LINGO2: variants seen among roughly 807,000 people sequenced by gnomAD.
LINGO2 encodes the protein leucine rich repeat and Ig domain containing 2, also known as leucine-rich repeat and immunoglobulin-like domain-containing nogo receptor-interacting protein 2.
Under a neutral mutation model 30.6 loss-of-function variants are expected in LINGO2, and 14 were observed. The observed-to-expected ratio is 0.46, with a 90% CI of 0.30 to 0.72. The LOEUF (loss-of-function observed/expected upper bound fraction) is 0.72, where lower values mean the gene tolerates loss of function less well. LINGO2 is among the 30% of genes least tolerant of loss of function. The pLI, the probability that LINGO2 is intolerant of heterozygous loss-of-function variation, is 0.07. For missense variants in LINGO2, 729 were observed against 751.7 expected (o/e 0.97, Z 0.35); for synonymous variants, 317 against 288.5 (o/e 1.10, Z -1.00).
chr9:29,002,609 T>A, the LINGO2 span, among the ~76,000 whole-genome samples: 3 of 152,026 alleles, frequency 2.0e-5, no homozygotes, highest in Non-Finnish European at 4.4e-5. Flanking sequence ...TCCTCTCAGA[T>A]CTGACATAAG....
rs1194264138 is a variant in LINGO2 at position 28,034,299 on chromosome 9, ACTTT to A, written c.-86-21898_-86-21895del. Among the ~76,000 whole-genome samples, 9 of 152,168 alleles carry A rather than the reference ACTTT, an allele frequency of 5.9e-5. No individual in the cohort carries two copies. In the East Asian group the frequency reaches 1.7e-3, roughly 29 times the overall value. On this transcript the variant is annotated intron_variant, in intron 4 of 5. Transcript: ENST00000379992. Reference sequence around the variant, plus strand: ...AGGGCAGAAGAAAGCCGATTATTTCACTTTCTTTCTTTTCGGAATTCTGCTTTGT... The same window carrying A: ...AGGGCAGAAGAAAGCCGATTATTTCACTTTCTTTTCGGAATTCTGCTTTGT...
At chr9:28,324,045 C>T (rs72709384) in intron 3 of LINGO2, among the ~76,000 whole-genome samples, 2,445 of 152,152 alleles carry the variant, frequency 0.016, 36 homozygotes, top group African/African-American at 0.035. Context: ...AAACAAAAGC[C>T]TTGGTGTGTT....
the LINGO2 span, among the ~76,000 whole-genome samples, chr9:29,184,041 C>T: frequency 5.3e-5 from 8 of 152,008 alleles, no homozygotes; most frequent in African/African-American, 1.9e-4. Flanking sequence ...AGTGAAGGAA[C>T]ACGCTCTTAT....
In LINGO2 at chr9:27,966,687, T is replaced by C. The variant is rs139821409; in HGVS notation, c.-35-15981A>G. 7.6e-3 allele frequency among the ~76,000 whole-genome samples: 1,159 copies of C among 152,088 alleles called. 10 individuals are homozygous for C. The highest frequency in any genetic ancestry group is 0.026 in the African/African-American group (1,074 of 41,498). On this transcript the variant is annotated intron_variant, in intron 5 of 5. Transcript: ENST00000379992. Reference sequence around the variant, plus strand: ...AACCACCATGGCACATATATACCTATGTAACAAACCTGCATGTTCAGCACA... The same window carrying C: ...AACCACCATGGCACATATATACCTACGTAACAAACCTGCATGTTCAGCACA...
intron 1 of LINGO2, among the ~76,000 whole-genome samples, chr9:28,477,773 A>G (rs1727721737): frequency 6.6e-6 from 1 of 152,226 alleles, no homozygotes; most frequent in South Asian, 2.1e-4. Flanking sequence ...TTCATAGCGT[A>G]AATCATCATT....
In LINGO2 at chr9:28,362,227, T is replaced by TGC. The variant is rs1335269175; in HGVS notation, c.-246+10608_-246+10609insGC. On this transcript the variant is annotated intron_variant, in intron 3 of 5. Coordinates refer to ENST00000379992, the Ensembl canonical transcript of LINGO2. ...AATTGTGTGTGTATGTGTGTGTGTG[T>TGC]GTGCGCATGCGCATGTGTGTGCACG... Among the ~76,000 whole-genome samples the TGC allele has an allele frequency of 3.9e-3, 589 of 152,118 alleles. 2 individuals are homozygous for TGC. Among genetic ancestry groups the TGC allele is most frequent in the African/African-American group, 0.013 (548 of 41,498 alleles).
At chr9:27,941,944 G>GTA in the LINGO2 span, 1 of 152,124 alleles carries the variant, frequency 6.6e-6, no homozygotes, top group Non-Finnish European at 1.5e-5. Context: ...GGGTGGTGTT[G>GTA]TATGTATGGC....
the LINGO2 span, among the ~76,000 whole-genome samples, chr9:29,150,838 T>C: frequency 2.0e-5 from 3 of 152,268 alleles, no homozygotes; most frequent in East Asian, 5.8e-4. Flanking sequence ...TGTAAGAATG[T>C]AGTACACAAA....
chr9:28,422,391 CA>C (rs1823232086), intron 2 of LINGO2, among the ~76,000 whole-genome samples: 1 of 151,960 alleles, frequency 6.6e-6, no homozygotes, highest in Admixed American at 6.6e-5. Flanking sequence ...AGAAGATGTG[CA>C]AATGGCCAAC....
intron 1 of LINGO2, among the ~76,000 whole-genome samples, chr9:28,587,954 G>T (rs1224583397): frequency 1.5e-4 from 23 of 152,100 alleles, no homozygotes; most frequent in South Asian, 4.1e-4. Context: ...ATGAAGAATT[G>T]CTGTAGTAGG....
intron 1 of LINGO2, among the ~76,000 whole-genome samples, chr9:28,586,131 GA>G: frequency 6.6e-6 from 1 of 151,574 alleles, no homozygotes; most frequent in East Asian, 1.9e-4. Flanking sequence ...GTTTATTTAT[GA>G]ATTTTAAAAT....
At chr9:28,569,266 T>C (rs1823551353) in intron 1 of LINGO2, among the ~76,000 whole-genome samples, 1 of 151,936 alleles carries the variant, frequency 6.6e-6, no homozygotes, top group African/African-American at 2.4e-5. Flanking sequence ...TTCCGTATGA[T>C]CCAGCAATCC....
At chr9:28,361,544 G>A (rs1820444918) in intron 3 of LINGO2, among the ~76,000 whole-genome samples, 1 of 151,466 alleles carries the variant, frequency 6.6e-6, no homozygotes, top group African/African-American at 2.4e-5. Flanking sequence ...AAATGCTGGG[G>A]CTACTACCAG....
intron 1 of LINGO2, among the ~76,000 whole-genome samples, chr9:28,556,188 A>G (rs1206089342): frequency 3.3e-5 from 5 of 152,032 alleles, no homozygotes; most frequent in African/African-American, 1.2e-4. Context: ...TTCAATTAGG[A>G]AAAGAGGAAG....
chr9:28,390,612 G>C (rs1313005392), intron 2 of LINGO2, among the ~76,000 whole-genome samples: 5 of 150,458 alleles, frequency 3.3e-5, no homozygotes, highest in Non-Finnish European at 7.4e-5. Context: ...TGGAGTTTAC[G>C]ATCACAGCCC....
intron 4 of LINGO2, chr9:28,149,260 C>T (rs944321109): frequency 1.2e-4 from 81 of 684,036 alleles, no homozygotes; most frequent in African/African-American, 9.0e-4. Context: ...GAGGCCCAGG[C>T]GGGCGGATCA....
chr9:28,517,652 A>G (rs1164457557), intron 1 of LINGO2, among the ~76,000 whole-genome samples: 1 of 152,250 alleles, frequency 6.6e-6, no homozygotes, highest in Non-Finnish European at 1.5e-5. Context: ...TTGAGGAGGT[A>G]CAAATTAATC....
the LINGO2 span, among the ~76,000 whole-genome samples, chr9:28,899,193 A>G: frequency 6.6e-6 from 1 of 152,214 alleles, no homozygotes; most frequent in Non-Finnish European, 1.5e-5. Context: ...CCCCGTCCCC[A>G]AACCCTCGGC....
intron 3 of LINGO2, among the ~76,000 whole-genome samples, chr9:28,337,466 A>G (rs187571281): frequency 5.5e-4 from 84 of 152,294 alleles, no homozygotes; most frequent in Admixed American, 4.6e-3. Context: ...AGCTGCAGAA[A>G]TTTGTATAAG....
Sources: allele counts gnomAD v4.1 joint callset (sites outside exome capture counted in the v4.1 genomes callset), GRCh38; gene constraint gnomAD v4.1.1; transcripts MANE v1.5; gene names NCBI Gene and HGNC (gene_info 2026-07-23, HGNC 2026-07-21).